The following TNKS variants were observed in gnomAD, a reference collection of about 807,000 sequenced individuals.
TNKS encodes tankyrase.
TNKS carries 72 observed loss-of-function variants against 135.8 expected under a neutral mutation model. The ratio of observed to expected loss-of-function variants is 0.53; its 90% CI spans 0.44 to 0.64. The LOEUF is 0.64. Among genes scored for constraint, TNKS ranks in the 30% least tolerant of loss-of-function variants. The pLI is 0.00. For synonymous variants in TNKS, 849 were observed against 649.3 expected (o/e 1.31, Z -4.68); for missense variants, 1,769 against 1,674.0 (o/e 1.06, Z -0.99).
At chr8:9,578,091 G>C (rs1018977970) in intron 1 of TNKS, among the ~76,000 whole-genome samples, 1 of 152,188 alleles carries the variant, frequency 6.6e-6, no homozygotes, top group East Asian at 1.9e-4. Context: ...AACACAAGGG[G>C]TGGGCTCCCA....
intron 2 of TNKS, among the ~76,000 whole-genome samples, chr8:9,600,655 C>T: frequency 6.6e-6 from 1 of 151,962 alleles, no homozygotes; most frequent in Admixed American, 6.6e-5. Flanking sequence ...TTATTTTTTC[C>T]CACTGACGTA....
intron 16 of TNKS, 37 bp from the exon 17 acceptor site, chr8:9,735,340 G>T: frequency 6.3e-7 from 1 of 1,575,634 alleles, no homozygotes. Context: ...TTTCCTTTAA[G>T]CTGACACGTT....
chr8:9,595,814 A>G (rs923375211), intron 2 of TNKS, among the ~76,000 whole-genome samples: 19 of 152,108 alleles, frequency 1.2e-4, no homozygotes, highest in African/African-American at 4.3e-4. Flanking sequence ...CAATTGTTCA[A>G]AACAATCTAT....
intron 3 of TNKS, 144 bp downstream of exon 3, chr8:9,615,821 T>C (rs1212360109): frequency 1.6e-6 from 1 of 622,782 alleles, no homozygotes; most frequent in Non-Finnish European, 2.8e-6. Flanking sequence ...ATTATTGATT[T>C]GATATCTGTC....
At chr8:9,679,355 A>T (rs1478129014) in intron 3 of TNKS, among the ~76,000 whole-genome samples, 2 of 152,206 alleles carry the variant, frequency 1.3e-5, no homozygotes, top group Non-Finnish European at 2.9e-5. Flanking sequence ...CAAGAGGTTC[A>T]TGGCATTTGG....
chr8:9,587,239 T>C (rs1462214629), intron 2 of TNKS, among the ~76,000 whole-genome samples: 2 of 151,968 alleles, frequency 1.3e-5, no homozygotes, highest in Non-Finnish European at 2.9e-5. Flanking sequence ...TCAGATGATA[T>C]AATTTCAGAT....
intron 12 of TNKS, chr8:9,722,293 G>A (rs925731448): frequency 6.6e-6 from 1 of 152,062 alleles, no homozygotes; most frequent in African/African-American, 2.4e-5. Flanking sequence ...TAGAGATTAT[G>A]ATATGTGTAT....
intron 3 of TNKS, 50 bp from the exon 4 acceptor site, chr8:9,679,901 A>C (rs1345992582): frequency 2.7e-6 from 4 of 1,485,484 alleles, no homozygotes; most frequent in Non-Finnish European, 3.8e-6. Context: ...TGCATTTCTT[A>C]ATCTGTCTTC....
chr8:9,578,014 C>T (rs886892562), intron 1 of TNKS, among the ~76,000 whole-genome samples: 4 of 152,188 alleles, frequency 2.6e-5, no homozygotes, highest in African/African-American at 9.6e-5. Flanking sequence ...CCCAGCAGGG[C>T]AGTTGTTCAA....
At chr8:9,597,373 C>G (rs1404765875) in intron 2 of TNKS, among the ~76,000 whole-genome samples, 1 of 152,184 alleles carries the variant, frequency 6.6e-6, no homozygotes, top group East Asian at 1.9e-4. Flanking sequence ...AAAGCGGACA[C>G]TCAATCAAAG....
chr8:9,710,205 T>G lies in TNKS; in HGVS notation c.1734T>G (p.His578Gln), dbSNP rs778578468. The G allele has an allele frequency of 1.9e-6, 3 of 1,614,234 alleles. No individual in the cohort carries two copies. Among genetic ancestry groups the G allele is most frequent in the Non-Finnish European group, 2.5e-6 (3 of 1,180,040 alleles). The change falls in exon 11 of 27, where the codon CAT (histidine) becomes CAG (glutamine). Residue 578 changes from histidine (H) to glutamine (Q), a missense_variant. His to Gln is a conservative substitution (Grantham distance 24). Coordinates refer to ENST00000310430, the MANE Select transcript of TNKS (RefSeq NM_003747.3). ...RAHNDVMEVL[H>Q]KHGAKMNALD... ...ATAATGATGTCATGGAAGTTCTGCA[T>G]AAGCATGGCGCCAAGGTGAGGCACA...
chr8:9,561,033 T>A (rs1027820618), intron 1 of TNKS, among the ~76,000 whole-genome samples: 1 of 152,180 alleles, frequency 6.6e-6, no homozygotes, highest in African/African-American at 2.4e-5. Flanking sequence ...AGCCAACTGT[T>A]CAACAATAGA....
At chr8:9,564,878 G>C (rs1797465905) in intron 1 of TNKS, among the ~76,000 whole-genome samples, 1 of 152,114 alleles carries the variant, frequency 6.6e-6, no homozygotes, top group Admixed American at 6.5e-5. Context: ...ACACGAGAAA[G>C]AAACATTCAG....
At chr8:9,570,980 A>AG (rs1352615624) in intron 1 of TNKS, among the ~76,000 whole-genome samples, 2 of 152,238 alleles carry the variant, frequency 1.3e-5, no homozygotes, top group Non-Finnish European at 2.9e-5. Context: ...AAATAAAAAA[A>AG]TAAATAAAAA....
intron 18 of TNKS, among the ~76,000 whole-genome samples, chr8:9,748,813 T>C (rs1806374050): frequency 1.3e-5 from 2 of 152,242 alleles, no homozygotes; most frequent in Non-Finnish European, 2.9e-5. Flanking sequence ...TTATTTCTTA[T>C]GATTCTGTAT....
chr8:9,672,885 T>C (rs1486079589), intron 3 of TNKS, among the ~76,000 whole-genome samples: 1 of 152,110 alleles, frequency 6.6e-6, no homozygotes, highest in Non-Finnish European at 1.5e-5. Context: ...CCTTTCCTCC[T>C]TTTTTGTTTT....
At chr8:9,713,931 A>T (rs1357725968) in intron 11 of TNKS, among the ~76,000 whole-genome samples, 3 of 152,090 alleles carry the variant, frequency 2.0e-5, no homozygotes, top group Non-Finnish European at 2.9e-5. Context: ...GATTCTGAAC[A>T]CACTTTCTGA....
chr8:9,751,537 G>C (rs1806531327), intron 18 of TNKS, 72 bp from the exon 19 acceptor site: 1 of 1,375,494 alleles, frequency 7.3e-7, no homozygotes, highest in Non-Finnish European at 1.0e-6. Context: ...CAAAGTATTT[G>C]GTTATCAGTG....
chr8:9,558,232 G>C (rs546487639), intron 1 of TNKS: 2 of 152,050 alleles, frequency 1.3e-5, no homozygotes, highest in Non-Finnish European at 2.9e-5. Flanking sequence ...TTAATGGGTC[G>C]TGACCAGTGG....
Sources: allele counts gnomAD v4.1 joint callset (sites outside exome capture counted in the v4.1 genomes callset), GRCh38; gene constraint gnomAD v4.1.1; transcripts MANE v1.5; gene names NCBI Gene and HGNC (gene_info 2026-07-23, HGNC 2026-07-21).